Variants in SPNS3 observed in about 807,000 individuals in gnomAD.
The protein encoded by SPNS3 is protein spinster homolog 3.
SPNS3 carries 51 observed loss-of-function variants against 54.4 expected under a neutral mutation model. The observed-to-expected ratio is 0.94, with a 90% CI of 0.75 to 1.18. The LOEUF is 1.18. SPNS3 is among the 50% of genes most tolerant of loss of function. The pLI is 0.00. For missense variants in SPNS3, 669 were observed against 677.4 expected (o/e 0.99, Z 0.14); for synonymous variants, 309 against 294.7 (o/e 1.05, Z -0.50).
intron 1 of SPNS3, 129 bp downstream of exon 1, chr17:4,434,295 C>A (rs538730128): frequency 2.1e-4 from 183 of 883,886 alleles, no homozygotes; most frequent in Non-Finnish European, 2.9e-4. Context: ...GTGTTCTCAC[C>A]TCTAGAGGTG....
At position 4,466,776 on chromosome 17, in the gene SPNS3, C is replaced by T. The variant is rs1000448674; in HGVS notation, c.1114-11796C>T. ...AGGAGAATCGCTGGAACATGGGAGG[C>T]GGAGGTTGCAGTGAGCCGAGATCGC... On this transcript the variant is annotated intron_variant, in intron 8 of 11. Transcript: ENST00000355530. Among the ~76,000 whole-genome samples the T allele has an allele frequency of 6.6e-4, 100 of 152,112 alleles. 1 individual carries two copies. The highest frequency in any genetic ancestry group is 3.1e-4 in the African/African-American group (13 of 41,482).
intron 7 of SPNS3, among the ~76,000 whole-genome samples, chr17:4,450,893 C>T (rs1971146952): frequency 1.3e-5 from 2 of 151,822 alleles, no homozygotes; most frequent in East Asian, 1.9e-4. Context: ...CAGGCGTGAG[C>T]CACCGTGCCC....
chr17:4,486,564 G>A lies in SPNS3; in HGVS notation c.1431G>A (p.Arg477=). The change falls in exon 11 of 12, where the codon CGG becomes CGA. Residue 477 remains arginine, a synonymous_variant. Coordinates refer to ENST00000355530, the MANE Select transcript of SPNS3 (RefSeq NM_182538.5). The surrounding 1 kb of genome is among the most constrained non-coding windows in gnomAD (Gnocchi z 5.5). ...TALYLERDET[R]AWQPVTGTPD... is the part of the protein sequence containing the mutation. ...TGTACCTGGAGAGAGACGAGACCCG[G>A]GCCTGGCAGCCTGTCACAGGTACCC... The A allele has an allele frequency of 1.2e-6, 2 of 1,612,490 alleles. No homozygotes were observed. Among genetic ancestry groups the A allele is most frequent in the Non-Finnish European group, 8.5e-7 (1 of 1,179,444 alleles).
At chr17:4,458,593 CTTTCTTTCTTTCTTTCTTTCTTT>C (rs1971394471) in intron 8 of SPNS3, among the ~76,000 whole-genome samples, 19 of 79,952 alleles carry the variant, frequency 2.4e-4, no homozygotes, top group African/African-American at 8.0e-4. Context: ...TCCCTCCTTT[CTTTCTTTCTTTCTTTCTTTCTTT>C]CTTTCTTTCT....
At chr17:4,479,025 G>A (rs1011580537) in intron 9 of SPNS3, among the ~76,000 whole-genome samples, 2 of 152,014 alleles carry the variant, frequency 1.3e-5, no homozygotes, top group African/African-American at 4.8e-5. Flanking sequence ...TCACTGCAAC[G>A]TCTGCCTCCT....
At chr17:4,468,606 C>T (rs923990839) in intron 8 of SPNS3, among the ~76,000 whole-genome samples, 6 of 150,866 alleles carry the variant, frequency 4.0e-5, no homozygotes, top group African/African-American at 1.5e-4. Flanking sequence ...GAGGGAGGGG[C>T]AGGGGTTTTT....
At chr17:4,468,027 T>C (rs949764489) in intron 8 of SPNS3, among the ~76,000 whole-genome samples, 7 of 152,206 alleles carry the variant, frequency 4.6e-5, no homozygotes, top group Non-Finnish European at 1.0e-4. Context: ...CAGTTTACCA[T>C]GGCAGGGGAC....
Position 4,446,892 on chromosome 17 carries a change from G to A in SPNS3, c.555-4G>A, listed in dbSNP as rs1402069911. ...AGCCCATCGCCCCTGCCCCTTTGTT[G>A]CAGTGGTCTGGGCTACGTGCTGGGG... On this transcript the variant is annotated splice_region_variant and splice_polypyrimidine_tract_variant and intron_variant, in intron 4 of 11. Coordinates refer to ENST00000355530, the MANE Select transcript of SPNS3 (RefSeq NM_182538.5). 1 of 1,613,974 alleles carries A rather than the reference G, an allele frequency of 6.2e-7. No individual in the cohort carries two copies. The highest frequency in any genetic ancestry group is 8.5e-7 in the Non-Finnish European group (1 of 1,179,958).
chr17:4,449,437 G>A, intron 7 of SPNS3, 50 bp downstream of exon 7: 1 of 1,526,928 alleles, frequency 6.5e-7, no homozygotes, highest in Non-Finnish European at 8.7e-7. Context: ...GGGGGCTCTT[G>A]CTGAGGAAGT....
chr17:4,466,431 T>G (rs2144141964), intron 8 of SPNS3, among the ~76,000 whole-genome samples: 2 of 150,134 alleles, frequency 1.3e-5, no homozygotes, highest in Middle Eastern at 3.5e-3. Context: ...TCCCACCTAT[T>G]TGGGAGGCTG....
At chr17:4,452,067 C>A (rs117465610) in intron 7 of SPNS3, among the ~76,000 whole-genome samples, 8,932 of 151,968 alleles carry the variant, frequency 0.059, 330 homozygotes, top group Middle Eastern at 0.13. Context: ...CTGTAATTTA[C>A]CAGCTGGGTA....
intron 8 of SPNS3, among the ~76,000 whole-genome samples, chr17:4,477,819 G>T (rs573394304): frequency 6.6e-6 from 1 of 152,154 alleles, no homozygotes; most frequent in Non-Finnish European, 1.5e-5. Flanking sequence ...GGGTCCTTTG[G>T]TGGGGTGCCT....
intron 8 of SPNS3, among the ~76,000 whole-genome samples, chr17:4,458,650 C>CTTTCT (rs1971412374): frequency 1.7e-4 from 8 of 46,352 alleles, no homozygotes; most frequent in Admixed American, 5.0e-4. Flanking sequence ...TCTTTCTTTC[C>CTTTCT]TTCCTTCTTT....
intron 6 of SPNS3, among the ~76,000 whole-genome samples, chr17:4,448,898 G>A (rs1281040305): frequency 2.0e-5 from 3 of 152,136 alleles, no homozygotes; most frequent in South Asian, 2.1e-4. Context: ...CTGGATGGGG[G>A]CCTCCCAGGA....
At chr17:4,487,642 A>AGT (rs1325048016) in intron 11 of SPNS3, among the ~76,000 whole-genome samples, 164 bp from the exon 12 acceptor site, 1 of 152,250 alleles carries the variant, frequency 6.6e-6, no homozygotes. Context: ...AGTGGTGCCT[A>AGT]GACCACGCCA....
At chr17:4,459,186 G>T (rs980035081) in intron 8 of SPNS3, among the ~76,000 whole-genome samples, 1 of 151,994 alleles carries the variant, frequency 6.6e-6, no homozygotes, top group Non-Finnish European at 1.5e-5. Flanking sequence ...TCTCAGTTAC[G>T]TACGTTCTGA....
intron 8 of SPNS3, among the ~76,000 whole-genome samples, chr17:4,469,010 A>C (rs1971780045): frequency 6.6e-6 from 1 of 150,976 alleles, no homozygotes; most frequent in South Asian, 2.1e-4. Context: ...CTGGTCTCGA[A>C]CTCCTGACCT....
At chr17:4,440,293 A>C (rs778316107) in intron 2 of SPNS3, among the ~76,000 whole-genome samples, 4 of 152,144 alleles carry the variant, frequency 2.6e-5, no homozygotes, top group Non-Finnish European at 5.9e-5. Flanking sequence ...CTGGATGGTG[A>C]CACACACCCA....
At chr17:4,474,163 G>A (rs1359654962) in intron 8 of SPNS3, among the ~76,000 whole-genome samples, 12 of 152,210 alleles carry the variant, frequency 7.9e-5, no homozygotes, top group Non-Finnish European at 1.2e-4. Flanking sequence ...CTGGGAGGAC[G>A]CAAAGGTTTT....
Sources: allele counts gnomAD v4.1 joint callset (sites outside exome capture counted in the v4.1 genomes callset), GRCh38; gene constraint gnomAD v4.1.1; non-coding constraint Gnocchi (gnomAD v3.1); transcripts MANE v1.5; gene names NCBI Gene and HGNC (gene_info 2026-07-23, HGNC 2026-07-21).